Variants in TRIM37 observed in about 807,000 individuals in gnomAD.
TRIM37 encodes the protein tripartite motif containing 37, also known as E3 ubiquitin-protein ligase TRIM37.
Under a neutral mutation model 129.8 loss-of-function variants are expected in TRIM37, and 80 were observed. The ratio of observed to expected loss-of-function variants is 0.62; its 90% CI spans 0.51 to 0.74. TRIM37 has a LOEUF of 0.74. Ranked by LOEUF, TRIM37 falls within the 30% of genes least tolerant of loss-of-function variation. The probability of loss-of-function intolerance (pLI) is 0.00; values close to 1 mark genes in which losing one functional copy is unlikely to be tolerated. For synonymous variants in TRIM37, 389 were observed against 387.1 expected (o/e 1.00, Z -0.06); for missense variants, 1,054 against 1,176.5 (o/e 0.90, Z 1.52).
rs751854630 is a variant in TRIM37 at position 59,079,822 on chromosome 17, C to A, written c.548G>T (p.Arg183Met). ...TGCAATCATCATCTCCACTGCATTCCTAATTTCCCGAACACGCTCATCTTT... is the reference window on the plus strand; with the variant it reads ...TGCAATCATCATCTCCACTGCATTCATAATTTCCCGAACACGCTCATCTTT... ...NAKDERVREI[R>M]NAVEMMIARL... Residue 183 changes from arginine (R) to methionine (M), a missense_variant, in exon 7 of 24, where the codon AGG (arginine) becomes ATG (methionine). By Grantham distance (91) the Arg-to-Met change is moderately conservative (BLOSUM62 -1). Around this residue, in one of 3 missense-constraint regions of TRIM37, gnomAD observed 752 missense variants for 870.8 expected, o/e 0.86. Coordinates refer to ENST00000262294, the MANE Select transcript of TRIM37 (RefSeq NM_015294.6). The A allele has an allele frequency of 6.2e-7, 1 of 1,614,078 alleles. No individual in the cohort carries two copies. Among genetic ancestry groups the A allele is most frequent in the Admixed American group, 1.7e-5 (1 of 60,026 alleles).
At chr17:59,088,665 C>T (rs1223668684) in intron 3 of TRIM37, among the ~76,000 whole-genome samples, 2 of 151,836 alleles carry the variant, frequency 1.3e-5, no homozygotes, top group Non-Finnish European at 1.5e-5. Context: ...TACAGCAGCA[C>T]ACCATCAAAC....
chr17:59,077,156 G>A (rs1200655037), intron 7 of TRIM37, among the ~76,000 whole-genome samples: 3 of 151,770 alleles, frequency 2.0e-5, no homozygotes, highest in Non-Finnish European at 4.4e-5. Flanking sequence ...GTATAGTGGC[G>A]TGATCTCGGC....
At chr17:59,001,146 G>A (rs2033683123) in intron 23 of TRIM37, among the ~76,000 whole-genome samples, 1 of 143,624 alleles carries the variant, frequency 7.0e-6, no homozygotes, top group East Asian at 2.1e-4. Context: ...AGTGAGCCAA[G>A]ATCACGCCAC....
chr17:59,017,637 T>C (rs1044707844), intron 19 of TRIM37, among the ~76,000 whole-genome samples: 150 of 151,904 alleles, frequency 9.9e-4, no homozygotes, highest in Middle Eastern at 3.4e-3. Flanking sequence ...TTTTTTTTTT[T>C]CCCCCAGATG....
chr17:58,998,614 TA>T lies in TRIM37; in HGVS notation c.*762del. 1 of 985,402 alleles carries T rather than the reference TA, an allele frequency of 1.0e-6. No individual in the cohort carries two copies. The highest frequency in any genetic ancestry group is 1.2e-6 in the Non-Finnish European group (1 of 829,904). 61.0% of individuals were successfully genotyped at this position (985,402 alleles called of 1,614,324 possible). A position where few individuals can be genotyped will look rare whatever the true frequency, so the allele number is the denominator to read the frequency against. On this transcript the variant is annotated 3_prime_UTR_variant, in exon 24 of 24. Coordinates refer to ENST00000262294, the MANE Select transcript of TRIM37 (RefSeq NM_015294.6). ...GAAAATAAAGAAGAAAAGGGGGCTT[TA>T]AAATATTTGTTGCACTACAGTCGTA...
chr17:59,103,650 G>GTTT (rs768853417), intron 2 of TRIM37, among the ~76,000 whole-genome samples: 5 of 118,972 alleles, frequency 4.2e-5, no homozygotes, highest in Non-Finnish European at 3.5e-5. Flanking sequence ...CAACATTCAA[G>GTTT]TTTTTTTTTT....
At chr17:59,062,790 C>A in intron 10 of TRIM37, 142 bp from the exon 11 acceptor site, 1 of 707,444 alleles carries the variant, frequency 1.4e-6, no homozygotes, top group South Asian at 1.6e-5. Flanking sequence ...GGTCAAAATT[C>A]CACTGTAAAA....
chr17:59,094,748 T>A (rs2044700958), intron 2 of TRIM37, among the ~76,000 whole-genome samples: 1 of 151,892 alleles, frequency 6.6e-6, no homozygotes, highest in South Asian at 2.1e-4. Context: ...AGATTTGGCA[T>A]GGTGAAAAAC....
chr17:59,044,696 A>G (rs2145985299), intron 16 of TRIM37, among the ~76,000 whole-genome samples: 1 of 152,344 alleles, frequency 6.6e-6, no homozygotes, highest in South Asian at 2.1e-4. Context: ...TAAGTAATCT[A>G]GAGATGATTT....
downstream of TRIM37, among the ~76,000 whole-genome samples, chr17:58,978,580 G>A (rs552699760): frequency 1.6e-4 from 25 of 152,172 alleles, no homozygotes; most frequent in East Asian, 4.3e-3. Flanking sequence ...GTGTGGTGGC[G>A]TACGCCTGTA....
At chr17:59,030,186 A>C (rs1010909150) in intron 18 of TRIM37, among the ~76,000 whole-genome samples, 14 of 151,748 alleles carry the variant, frequency 9.2e-5, no homozygotes, top group Non-Finnish European at 1.8e-4. Context: ...GCTCACTGCA[A>C]CCTCCGACTC....
intron 9 of TRIM37, among the ~76,000 whole-genome samples, chr17:59,066,783 T>C (rs1387594368): frequency 6.6e-6 from 1 of 152,224 alleles, no homozygotes; most frequent in Non-Finnish European, 1.5e-5. Context: ...TTACTTCCCC[T>C]ATCACCAGTT....
chr17:59,081,832 G>A (rs892182076), intron 5 of TRIM37, among the ~76,000 whole-genome samples: 2 of 150,942 alleles, frequency 1.3e-5, no homozygotes, highest in African/African-American at 4.9e-5. Context: ...GCTTGAACCC[G>A]GGAGGCAGAG....
intron 23 of TRIM37, 83 bp downstream of exon 23, chr17:59,001,515 A>G (rs1442059737): frequency 6.3e-7 from 1 of 1,576,870 alleles, no homozygotes; most frequent in African/African-American, 1.4e-5. Context: ...GAAAAAGTAG[A>G]AGTAGCAGCA....
rs530732755 is a variant in TRIM37 at position 59,087,659 on chromosome 17, C to T, written c.281+632G>A. Among the ~76,000 whole-genome samples, 11 of 152,072 alleles carry T rather than the reference C, an allele frequency of 7.2e-5. No homozygotes were observed. In the South Asian group the frequency reaches 8.3e-4, roughly 12 times the overall value. On this transcript the variant is annotated intron_variant, in intron 4 of 23. Transcript: ENST00000262294. ...AAACAGATAAATTTTTTTCTAATGA[C>T]CTGTGAGGTTTCAACCTCTTGCTTT... is the stretch of plus-strand genomic sequence containing the variant.
intron 2 of TRIM37, among the ~76,000 whole-genome samples, chr17:59,099,690 G>A (rs2045275642): frequency 6.6e-6 from 1 of 152,120 alleles, no homozygotes; most frequent in Non-Finnish European, 1.5e-5. Context: ...ATGGCTACAC[G>A]TCCCTGAGAA....
At chr17:58,985,272 G>A (rs555077162) in intron 24 of TRIM37, 1 of 152,736 alleles carries the variant, frequency 6.5e-6, no homozygotes, top group Non-Finnish European at 1.5e-5. Flanking sequence ...AAAATCCTGA[G>A]ATGGACGTTA....
intron 13 of TRIM37, among the ~76,000 whole-genome samples, chr17:59,054,589 A>T (rs975948251): frequency 6.6e-6 from 1 of 152,156 alleles, no homozygotes; most frequent in South Asian, 2.1e-4. Flanking sequence ...GGCGTGAGCC[A>T]CGGCACCCAG....
intron 24 of TRIM37, chr17:58,982,955 T>C (rs374203266): frequency 2.6e-6 from 4 of 1,561,384 alleles, no homozygotes; most frequent in African/African-American, 2.7e-5. Flanking sequence ...CAGCAGACTA[T>C]TGGTACACAT....
Sources: allele counts gnomAD v4.1 joint callset (sites outside exome capture counted in the v4.1 genomes callset), GRCh38; gene constraint gnomAD v4.1.1; regional missense constraint gnomAD v4.1.1; transcripts MANE v1.5; gene names NCBI Gene and HGNC (gene_info 2026-07-23, HGNC 2026-07-21).